SHANK2: variants seen among roughly 807,000 people sequenced by gnomAD.
SHANK2 encodes the protein SH3 and multiple ankyrin repeat domains protein 2.
SHANK2 carries 43 observed loss-of-function variants against 133.7 expected under a neutral mutation model. The ratio of observed to expected loss-of-function variants is 0.32; its 90% confidence interval spans 0.25 to 0.41. The LOEUF (loss-of-function observed/expected upper bound fraction) is 0.41. Among genes scored for constraint, SHANK2 ranks in the 10% least tolerant of loss-of-function variants. The pLI, the probability that SHANK2 is intolerant of heterozygous loss-of-function variation, is 1.00. For synonymous variants in SHANK2, 1,017 were observed against 952.8 expected, an observed-to-expected ratio of 1.07 and a Z score of -1.24; for missense variants, 1,994 against 2,235.8, an observed-to-expected ratio of 0.89 and a Z score of 2.18.
chr11:71,129,554 A>G (rs1235570770), intron 3 of SHANK2, among the ~76,000 whole-genome samples: 1 of 152,136 alleles, frequency 6.6e-6, no homozygotes, highest in Non-Finnish European at 1.5e-5. Context: ...CTGAGATAGA[A>G]GGGTCCCTTG....
intron 8 of SHANK2, among the ~76,000 whole-genome samples, chr11:71,087,045 G>C (rs1035543731): frequency 6.6e-6 from 1 of 152,222 alleles, no homozygotes; most frequent in African/African-American, 2.4e-5. Flanking sequence ...GGTGGGAGCA[G>C]GTGCACTGCC....
chr11:70,694,108 T>C, intron 15 of SHANK2, among the ~76,000 whole-genome samples: 1 of 152,078 alleles, frequency 6.6e-6, no homozygotes, highest in East Asian at 1.9e-4. Flanking sequence ...TAACGAGGAG[T>C]GGGAACTTAA....
At chr11:70,912,216 T>C (rs1950205965) in intron 10 of SHANK2, among the ~76,000 whole-genome samples, 1 of 152,104 alleles carries the variant, frequency 6.6e-6, no homozygotes, top group Non-Finnish European at 1.5e-5. Flanking sequence ...GAAAATATTT[T>C]ACTTCATTCA....
chr11:70,666,820 T>A (rs1312729356), intron 15 of SHANK2, among the ~76,000 whole-genome samples: 1 of 151,800 alleles, frequency 6.6e-6, no homozygotes, highest in African/African-American at 2.4e-5. Flanking sequence ...GCCCTGATCC[T>A]CTGAGTATCT....
intron 11 of SHANK2, among the ~76,000 whole-genome samples, chr11:70,879,866 C>T (rs1949631185): frequency 6.6e-6 from 1 of 152,182 alleles, no homozygotes; most frequent in South Asian, 2.1e-4. Flanking sequence ...GGGAAGGGCA[C>T]AAGCAAGGAG....
chr11:70,911,805 GGC>G (rs1424021713), intron 10 of SHANK2, among the ~76,000 whole-genome samples: 1 of 152,120 alleles, frequency 6.6e-6, no homozygotes, highest in Non-Finnish European at 1.5e-5. Flanking sequence ...TCAGTGGCCA[GGC>G]GTGGTGGCTC....
intron 11 of SHANK2, among the ~76,000 whole-genome samples, chr11:70,865,537 G>A (rs544373498): frequency 5.9e-5 from 9 of 152,258 alleles, no homozygotes; most frequent in South Asian, 4.2e-4. Flanking sequence ...ATGCAGCTGC[G>A]CGTGCCTCAT....
At chr11:71,233,181 G>C (rs1555123199) in intron 1 of SHANK2, among the ~76,000 whole-genome samples, 2 of 151,934 alleles carry the variant, frequency 1.3e-5, no homozygotes. Flanking sequence ...GTTCACGGCA[G>C]CATACCTCAT....
chr11:71,068,992 C>T (rs1951105917), intron 9 of SHANK2, among the ~76,000 whole-genome samples: 1 of 151,736 alleles, frequency 6.6e-6, no homozygotes, highest in African/African-American at 2.4e-5. Flanking sequence ...TCAGCACCAT[C>T]ACTATCAACC....
intron 20 of SHANK2, 71 bp downstream of exon 20, chr11:70,501,852 G>A (rs1220530994): frequency 1.3e-6 from 2 of 1,499,994 alleles, no homozygotes; most frequent in East Asian, 2.5e-5. Flanking sequence ...GGCCTGGGCT[G>A]AGGTGGATGT....
At chr11:70,760,269 C>T (rs1271669869) in intron 14 of SHANK2, among the ~76,000 whole-genome samples, 1 of 152,240 alleles carries the variant, frequency 6.6e-6, no homozygotes, top group Non-Finnish European at 1.5e-5. Context: ...CAGCATAAAG[C>T]CCCGTTCCAC....
At chr11:71,237,441 A>C (rs190319193) in intron 1 of SHANK2, among the ~76,000 whole-genome samples, 1 of 152,236 alleles carries the variant, frequency 6.6e-6, no homozygotes, top group Non-Finnish European at 1.5e-5. Context: ...CGACATATTT[A>C]CTATCCAGCC....
Position 70,930,798 on chromosome 11 carries a change from G to A in SHANK2, c.1108-34231C>T, listed in dbSNP as rs112721917. On this transcript the variant is annotated intron_variant, in intron 10 of 25. Transcript: ENST00000601538. Reference sequence around the variant, plus strand: ...CAATCCTCCTGCCTCACCCTCCCATGCAGCTGAGACTACAGACATGCCCCA... The same window carrying A: ...CAATCCTCCTGCCTCACCCTCCCATACAGCTGAGACTACAGACATGCCCCA... Among the ~76,000 whole-genome samples the A allele has an allele frequency of 7.1e-3, 1,053 of 148,632 alleles. 9 individuals carry two copies. The highest frequency in any genetic ancestry group is 0.026 in the African/African-American group (1,027 of 40,230).
chr11:70,833,945 C>T (rs1198934162), intron 11 of SHANK2, among the ~76,000 whole-genome samples: 2 of 152,210 alleles, frequency 1.3e-5, no homozygotes, highest in Admixed American at 6.5e-5. Context: ...AGACCCAGGC[C>T]CTTCTGCCAG....
intron 17 of SHANK2, among the ~76,000 whole-genome samples, chr11:70,619,437 T>G (rs1215684263): frequency 6.6e-6 from 1 of 152,152 alleles, no homozygotes; most frequent in Non-Finnish European, 1.5e-5. Flanking sequence ...CTCCCCTGCA[T>G]GCATCAAATC....
intron 17 of SHANK2, among the ~76,000 whole-genome samples, chr11:70,618,618 C>T (rs1297232224): frequency 3.9e-5 from 6 of 152,140 alleles, no homozygotes; most frequent in African/African-American, 1.2e-4. Context: ...AGCAGAATTA[C>T]GAGGCATTTC....
At chr11:71,110,116 A>G in intron 5 of SHANK2, 67 bp from the exon 6 acceptor site, 1 of 1,183,188 alleles carries the variant, frequency 8.5e-7, no homozygotes, top group South Asian at 1.3e-5. Flanking sequence ...CAACAAAGTG[A>G]GACCCCGTCT....
intron 3 of SHANK2, among the ~76,000 whole-genome samples, chr11:71,125,269 G>A (rs138659829): frequency 1.0e-3 from 153 of 152,304 alleles, no homozygotes; most frequent in African/African-American, 3.4e-3. Flanking sequence ...TAGCAAGGAA[G>A]GCATGTTGAA....
At chr11:70,914,282 C>T (rs1278943213) in intron 10 of SHANK2, among the ~76,000 whole-genome samples, 2 of 152,024 alleles carry the variant, frequency 1.3e-5, no homozygotes, top group African/African-American at 2.4e-5. Flanking sequence ...GTCCCTCCCC[C>T]GACCCTCTCG....
Sources: allele counts gnomAD v4.1 joint callset (sites outside exome capture counted in the v4.1 genomes callset), GRCh38; gene constraint gnomAD v4.1.1; transcripts MANE v1.5; gene names NCBI Gene and HGNC (gene_info 2026-07-23, HGNC 2026-07-21).